Variants in HADHB observed in about 807,000 individuals in gnomAD.
HADHB encodes the protein hydroxyacyl-CoA dehydrogenase trifunctional multienzyme complex subunit beta, also known as trifunctional enzyme subunit beta, mitochondrial.
In HADHB, 50 loss-of-function variants were observed where a neutral mutation model predicts 61.9. That is an observed-to-expected ratio of 0.81 (90% CI 0.64 to 1.02). The LOEUF (loss-of-function observed/expected upper bound fraction) is 1.02, where lower values mean the gene tolerates loss of function less well. Among genes scored for constraint, HADHB ranks in the 50% least tolerant of loss-of-function variants. The probability of loss-of-function intolerance (pLI) is 0.00; values close to 1 mark genes in which losing one functional copy is unlikely to be tolerated. For synonymous variants in HADHB, 191 were observed against 201.6 expected (o/e 0.95, Z 0.45); for missense variants, 504 against 586.5 (o/e 0.86, Z 1.45).
intron 3 of HADHB, among the ~76,000 whole-genome samples, chr2:26,256,625 A>G (rs1247927172): frequency 1.3e-5 from 2 of 152,188 alleles, no homozygotes; most frequent in Admixed American, 6.5e-5. Context: ...TTTAAAGAGT[A>G]TACAATGTAT....
chr2:26,262,718 A>G (rs10495756), intron 3 of HADHB, among the ~76,000 whole-genome samples: 26,104 of 152,220 alleles, frequency 0.17, 2,723 homozygotes, highest in Middle Eastern at 0.26. Flanking sequence ...AGAGTGAACA[A>G]TATCAATCAT....
intron 9 of HADHB, 143 bp from the exon 10 acceptor site, chr2:26,279,851 G>T: frequency 1.5e-6 from 1 of 652,434 alleles, no homozygotes; most frequent in Non-Finnish European, 2.7e-6. Context: ...TTGATAATAT[G>T]ATAATTATAA....
intron 12 of HADHB, 28 bp downstream of exon 12, chr2:26,283,079 A>G (rs545786885): frequency 1.4e-6 from 2 of 1,455,226 alleles, no homozygotes; most frequent in African/African-American, 2.8e-5. Context: ...TCCTTGGACT[A>G]TAATCACAAG....
intron 10 of HADHB, among the ~76,000 whole-genome samples, chr2:26,280,786 T>C (rs11897162): frequency 0.24 from 32,889 of 135,004 alleles, 3,590 homozygotes; most frequent in Middle Eastern, 0.35. Flanking sequence ...CCTGGAGGCG[T>C]GGAGGTTGCG....
In HADHB at chr2:26,254,246, G is replaced by C. The variant is rs1348807815; in HGVS notation, c.-8-1G>C. The C allele has an allele frequency of 8.4e-7, 1 of 1,185,212 alleles. No homozygotes were observed. Among genetic ancestry groups the C allele is most frequent in the Non-Finnish European group, 1.2e-6 (1 of 832,130 alleles). The allele number at this position is 1,185,212 out of a possible 1,614,324, so 73.4% of individuals were successfully genotyped here. On this transcript the variant is annotated splice_acceptor_variant, in intron 1 of 15. Coordinates refer to ENST00000317799, the MANE Select transcript of HADHB (RefSeq NM_000183.3). LOFTEE classifies it low-confidence loss of function (5UTR_SPLICE). ...ATATACTTTTGTTCTTCTCTTTTTA[G>C]ATTCCAGAATGACTATCTTGACTTA...
At chr2:26,249,683 T>G (rs1367937799) in intron 1 of HADHB, among the ~76,000 whole-genome samples, 1 of 151,822 alleles carries the variant, frequency 6.6e-6, no homozygotes, top group African/African-American at 2.4e-5. Context: ...GCTTTGTTAA[T>G]GTTTGCAAAT....
chr2:26,264,553 C>CAAAAAAA, intron 4 of HADHB, among the ~76,000 whole-genome samples: 1 of 73,718 alleles, frequency 1.4e-5, no homozygotes. Context: ...GACTCCATCT[C>CAAAAAAA]AAAAAAAAAA....
chr2:26,275,950 T>C (rs1672519217), intron 6 of HADHB, among the ~76,000 whole-genome samples: 1 of 152,202 alleles, frequency 6.6e-6, no homozygotes. Context: ...GAAAGAATAC[T>C]AAAAATGAAT....
At chr2:26,257,974 G>T (rs1296246338) in intron 3 of HADHB, among the ~76,000 whole-genome samples, 1 of 151,610 alleles carries the variant, frequency 6.6e-6, no homozygotes, top group Non-Finnish European at 1.5e-5. Flanking sequence ...AGCCGAGATC[G>T]TGCCACTGTA....
At chr2:26,267,113 T>C (rs550459554) in intron 4 of HADHB, among the ~76,000 whole-genome samples, 2 of 152,260 alleles carry the variant, frequency 1.3e-5, no homozygotes, top group Non-Finnish European at 2.9e-5. Context: ...ATGAATCTTC[T>C]TATTTAATCC....
rs149098513 is a variant in HADHB, at chr2:26,253,478, T to C, written c.-8-769T>C. On this transcript the variant is annotated intron_variant, in intron 1 of 15. Coordinates refer to ENST00000317799, the MANE Select transcript of HADHB (RefSeq NM_000183.3). Reference sequence around the variant, plus strand: ...GTGAAACTAATACTAATGGTTTTATTATCACGCCTAGCAGTCTCTCTGCTT... The same window carrying C: ...GTGAAACTAATACTAATGGTTTTATCATCACGCCTAGCAGTCTCTCTGCTT... Among the ~76,000 whole-genome samples the C allele has an allele frequency of 2.8e-3, 421 of 152,300 alleles. 2 individuals are homozygous for C. The highest frequency in any genetic ancestry group is 9.8e-3 in the African/African-American group (407 of 41,562).
At chr2:26,277,717 G>A (rs184448612) in intron 7 of HADHB, among the ~76,000 whole-genome samples, 1 of 152,304 alleles carries the variant, frequency 6.6e-6, no homozygotes, top group East Asian at 1.9e-4. Context: ...GCTGGCTGCA[G>A]CAGGGATTAT....
intron 1 of HADHB, among the ~76,000 whole-genome samples, chr2:26,248,655 T>G (rs1443688969): frequency 6.6e-6 from 1 of 152,206 alleles, no homozygotes; most frequent in Non-Finnish European, 1.5e-5. Flanking sequence ...AAGTGCCTAT[T>G]TAGTTAGATG....
rs60976234 is a variant in HADHB, at chr2:26,249,344, C to G, written c.-9+4354C>G. On this transcript the variant is annotated intron_variant, in intron 1 of 15. Coordinates refer to ENST00000317799, the MANE Select transcript of HADHB (RefSeq NM_000183.3). ...TGATCAACACGGTGAAATCCTGTCT[C>G]TACTAAAATAAAAAAAATTAGCCTG... Among the ~76,000 whole-genome samples, 955 of 151,936 alleles carry G rather than the reference C, an allele frequency of 6.3e-3. 8 individuals carry two copies. Among genetic ancestry groups the G allele is most frequent in the African/African-American group, 0.022 (893 of 41,432 alleles).
At chr2:26,267,058 A>C (rs1234628386) in intron 4 of HADHB, among the ~76,000 whole-genome samples, 2 of 152,052 alleles carry the variant, frequency 1.3e-5, no homozygotes, top group African/African-American at 4.8e-5. Context: ...ATGACAGTAA[A>C]AATATTTTGG....
intron 1 of HADHB, among the ~76,000 whole-genome samples, chr2:26,246,751 T>C (rs1158685829): frequency 6.6e-6 from 1 of 152,234 alleles, no homozygotes; most frequent in Admixed American, 6.5e-5. Flanking sequence ...TTGCTCCCTG[T>C]GCTTTCTCTA....
intron 3 of HADHB, among the ~76,000 whole-genome samples, chr2:26,255,847 G>A (rs1671587241): frequency 6.6e-6 from 1 of 152,148 alleles, no homozygotes; most frequent in South Asian, 2.1e-4. Context: ...TAGAATATAG[G>A]TTTGTAGTAG....
At chr2:26,285,302 G>T in intron 14 of HADHB, 105 bp from the exon 15 acceptor site, 1 of 937,020 alleles carries the variant, frequency 1.1e-6, no homozygotes, top group Non-Finnish European at 1.7e-6. Context: ...TATGTCTGAC[G>T]TTACGTATTT....
At chr2:26,285,632 G>T in intron 15 of HADHB, 61 bp downstream of exon 15, 3 of 1,201,772 alleles carry the variant, frequency 2.5e-6, no homozygotes, top group Non-Finnish European at 1.2e-6. Flanking sequence ...TGACTAGAAT[G>T]TATGATTTAG....
Sources: gnomAD v4.1 joint callset for allele counts (sites outside exome capture counted in the v4.1 genomes callset) on GRCh38, gnomAD v4.1.1 for gene constraint, MANE v1.5 for transcripts, NCBI Gene and HGNC (gene_info 2026-07-23, HGNC 2026-07-21) for gene names.